Variants in DYNLT2B observed in about 807,000 individuals in gnomAD.
DYNLT2B encodes dynein light chain Tctex-type 2B.
In DYNLT2B, 14 loss-of-function variants were observed where a neutral mutation model predicts 19.5. The observed-to-expected ratio is 0.72, with a 90% CI of 0.47 to 1.12. DYNLT2B has a LOEUF of 1.12. DYNLT2B is among the 50% of genes most tolerant of loss of function. DYNLT2B has a pLI of 0.00. For missense variants in DYNLT2B, 133 were observed against 174.7 expected, an observed-to-expected ratio of 0.76 and a Z score of 1.35; for synonymous variants, 70 against 59.7, an observed-to-expected ratio of 1.17 and a Z score of -0.79.
intron 2 of DYNLT2B, among the ~76,000 whole-genome samples, chr3:196,313,501 T>TA (rs1726694350): frequency 6.6e-6 from 1 of 152,144 alleles, no homozygotes; most frequent in Admixed American, 6.6e-5. Context: ...TGGCCAATAT[T>TA]AATGATTGTT....
At chr3:196,293,718 C>T (rs1300546743) in intron 4 of DYNLT2B, among the ~76,000 whole-genome samples, 1 of 147,466 alleles carries the variant, frequency 6.8e-6, no homozygotes, top group Admixed American at 6.8e-5. Context: ...AATCTCGCCT[C>T]ACTGCAACCT....
chr3:196,307,864 G>C (rs907093947), intron 2 of DYNLT2B, among the ~76,000 whole-genome samples: 3 of 151,706 alleles, frequency 2.0e-5, no homozygotes, highest in Non-Finnish European at 4.4e-5. Context: ...TGGATCACCT[G>C]AGGTCAGGAG....
intron 4 of DYNLT2B, among the ~76,000 whole-genome samples, chr3:196,294,106 C>T (rs1466818652): frequency 6.6e-6 from 1 of 151,800 alleles, no homozygotes; most frequent in Non-Finnish European, 1.5e-5. Context: ...AATCCCAGAA[C>T]TCTGGGAGGC....
At chr3:196,308,888 T>A (rs777897993) in intron 2 of DYNLT2B, among the ~76,000 whole-genome samples, 6 of 151,296 alleles carry the variant, frequency 4.0e-5, no homozygotes, top group Non-Finnish European at 8.8e-5. Flanking sequence ...AATAAAATAG[T>A]CTCAGATATG....
At position 196,299,236 on chromosome 3, in the gene DYNLT2B, C is replaced by T. The variant is rs181881505; in HGVS notation, c.318-3167G>A. Among the ~76,000 whole-genome samples, 133 of 152,150 alleles carry T rather than the reference C, an allele frequency of 8.7e-4. 1 individual carries two copies. The highest frequency in any genetic ancestry group is 3.0e-3 in the African/African-American group (126 of 41,524). On this transcript the variant is annotated intron_variant, in intron 3 of 4. Coordinates refer to ENST00000325318, the MANE Select transcript of DYNLT2B (RefSeq NM_152773.5). Reference sequence around the variant, plus strand: ...AGTAGCTGGGACTACAGGCACCCACCACCACGCCCGGCTAATTTTTGTATT... The same window carrying T: ...AGTAGCTGGGACTACAGGCACCCACTACCACGCCCGGCTAATTTTTGTATT...
intron 2 of DYNLT2B, among the ~76,000 whole-genome samples, chr3:196,308,082 G>GAAA (rs201886079): frequency 9.2e-6 from 1 of 109,004 alleles, no homozygotes; most frequent in Non-Finnish European, 1.8e-5. Flanking sequence ...ACTCCATCTC[G>GAAA]AAAAAAAAAA....
intron 3 of DYNLT2B, among the ~76,000 whole-genome samples, chr3:196,297,555 G>GA (rs550796431): frequency 3.4e-5 from 5 of 145,664 alleles, no homozygotes; most frequent in East Asian, 2.2e-4. Context: ...AATAATAAGT[G>GA]AAAAAAAAAT....
chr3:196,318,034 A>G lies in DYNLT2B; in HGVS notation c.113+6T>C. The G allele has an allele frequency of 6.7e-7, 1 of 1,492,960 alleles. No individual in the cohort carries two copies. The highest frequency in any genetic ancestry group is 8.9e-7 in the Non-Finnish European group (1 of 1,120,750). 92.5% of individuals were successfully genotyped at this position (1,492,960 alleles called of 1,614,324 possible). A position where few individuals can be genotyped will look rare whatever the true frequency, so the allele number is the denominator to read the frequency against. ...GTCGCCCCGCCACAGCCCGTCCTCT[A>G]CCCGCCTCTGCTGGAAAACAGGCCG... is the stretch of plus-strand genomic sequence containing the variant. On this transcript the variant is annotated splice_donor_region_variant and intron_variant, in intron 1 of 4. Transcript: ENST00000325318.
At chr3:196,291,702 ACTC>A (rs1323162809) in intron 4 of DYNLT2B, among the ~76,000 whole-genome samples, 2 of 151,754 alleles carry the variant, frequency 1.3e-5, no homozygotes, top group African/African-American at 2.4e-5. Context: ...CTGTTCTTGA[ACTC>A]CTGGGATCAA....
In DYNLT2B at chr3:196,303,210, C is replaced by T. The variant is rs908239302; in HGVS notation, c.317+3733G>A. On this transcript the variant is annotated intron_variant, in intron 3 of 4. Transcript: ENST00000325318. ...TCCATCCCTGATCAATCAGCACTCC[C>T]GGCTCACTGGCTCTCCACACCCACC... Among the ~76,000 whole-genome samples, 3 of 151,928 alleles carry T rather than the reference C, an allele frequency of 2.0e-5. No homozygotes were observed. In the South Asian group the frequency reaches 6.3e-4, roughly 32 times the overall value.
At position 196,299,661 on chromosome 3, in the gene DYNLT2B, G is replaced by A. The variant is rs1212073542; in HGVS notation, c.318-3592C>T. On this transcript the variant is annotated intron_variant, in intron 3 of 4. Transcript: ENST00000325318. ...ACATGCTGAATTCAGGCCGGGCACAGTGGCTCGCGCCTGTAATCCCAGCAC... is the reference window on the plus strand; with the variant it reads ...ACATGCTGAATTCAGGCCGGGCACAATGGCTCGCGCCTGTAATCCCAGCAC... 1.1e-4 allele frequency among the ~76,000 whole-genome samples: 16 copies of A among 151,766 alleles called. 1 individual carries two copies. Among genetic ancestry groups the A allele is most frequent in the Admixed American group, 6.6e-4 (10 of 15,264 alleles).
intron 2 of DYNLT2B, among the ~76,000 whole-genome samples, chr3:196,311,679 T>TTATG (rs891272724): frequency 6.6e-6 from 1 of 151,468 alleles, no homozygotes; most frequent in African/African-American, 2.4e-5. Flanking sequence ...ATTTATTTAT[T>TTATG]TATTTATTTA....
At chr3:196,317,561 C>T (rs1355155360) in intron 1 of DYNLT2B, among the ~76,000 whole-genome samples, 1 of 151,876 alleles carries the variant, frequency 6.6e-6, no homozygotes, top group Non-Finnish European at 1.5e-5. Flanking sequence ...GAGCCTTAAT[C>T]CTAGCGAGGG....
Position 196,311,145 on chromosome 3 carries a change from CA to C in DYNLT2B, c.248-4134del, listed in dbSNP as rs562384280. On this transcript the variant is annotated intron_variant, in intron 2 of 4. Coordinates refer to ENST00000325318, the MANE Select transcript of DYNLT2B (RefSeq NM_152773.5). ...TCCAGAACTAATAAATTCAAAATGG[CA>C]AGAAAAAAGACACAAATGAAAACAA... is the stretch of plus-strand genomic sequence containing the variant. Among the ~76,000 whole-genome samples, 73 of 151,694 alleles carry C rather than the reference CA, an allele frequency of 4.8e-4. No homozygotes were observed. The South Asian group carries it at 8.3e-3, about 17-fold the overall frequency.
chr3:196,313,821 G>A (rs1726701923), intron 2 of DYNLT2B, among the ~76,000 whole-genome samples: 1 of 152,126 alleles, frequency 6.6e-6, no homozygotes, highest in African/African-American at 2.4e-5. Context: ...TAAGGGGCCA[G>A]GCACAGTGGC....
At chr3:196,307,038 A>G in intron 2 of DYNLT2B, 26 bp from the exon 3 acceptor site, 1 of 1,597,924 alleles carries the variant, frequency 6.3e-7, no homozygotes, top group Non-Finnish European at 8.6e-7. Flanking sequence ...AAGGTTATTT[A>G]TAAGCAAATA....
chr3:196,310,970 A>G (rs889534149), intron 2 of DYNLT2B, among the ~76,000 whole-genome samples: 1 of 152,044 alleles, frequency 6.6e-6, no homozygotes, highest in African/African-American at 2.4e-5. Context: ...TCCTGAGCTC[A>G]GGCAATCCAC....
chr3:196,315,297 C>G (rs750351214), intron 2 of DYNLT2B: 23 of 400,306 alleles, frequency 5.7e-5, no homozygotes, highest in Non-Finnish European at 4.8e-6. Flanking sequence ...GAGTCTCACT[C>G]TGTCACCCAG....
chr3:196,318,211 G>T lies in DYNLT2B; in HGVS notation c.-59C>A, dbSNP rs1301843025. 4 of 1,044,334 alleles carry T rather than the reference G, an allele frequency of 3.8e-6. No individual in the cohort carries two copies. The highest frequency in any genetic ancestry group is 1.7e-5 in the South Asian group (1 of 58,116). 64.7% of individuals were successfully genotyped at this position (1,044,334 alleles called of 1,614,324 possible). A position where few individuals can be genotyped will look rare whatever the true frequency, so the allele number is the denominator to read the frequency against. ...TGAAGGCCTAGCGGGTTGCGGTCGC[G>T]GCCGGCAGCAGGGAAAGCGTCTCCA... On this transcript the variant is annotated 5_prime_UTR_variant, in exon 1 of 5. Transcript: ENST00000325318.
Sources: allele counts gnomAD v4.1 joint callset (sites outside exome capture counted in the v4.1 genomes callset), GRCh38; gene constraint gnomAD v4.1.1; transcripts MANE v1.5; gene names NCBI Gene and HGNC (gene_info 2026-07-23, HGNC 2026-07-21).